The following CLSTN3 variants were observed in gnomAD, a reference collection of about 807,000 sequenced individuals.
CLSTN3 encodes the protein calsyntenin 3, also known as calsyntenin-3.
CLSTN3 carries 36 observed loss-of-function variants against 95.9 expected under a neutral mutation model. That is an observed-to-expected ratio of 0.38 (90% CI 0.29 to 0.50). The LOEUF is 0.50. Ranked by LOEUF, CLSTN3 falls within the 20% of genes least tolerant of loss-of-function variation. CLSTN3 has a pLI of 0.95. For synonymous variants in CLSTN3, 481 were observed against 504.0 expected (o/e 0.95, Z 0.61); for missense variants, 1,084 against 1,268.8 (o/e 0.85, Z 2.21).
intron 12 of CLSTN3, among the ~76,000 whole-genome samples, chr12:7,145,703 A>C (rs1939612490): frequency 6.6e-6 from 1 of 151,940 alleles, no homozygotes; most frequent in South Asian, 2.1e-4. Context: ...TGTAACCTCT[A>C]TCTAGAAGTT....
At position 7,158,300 on chromosome 12, in the gene CLSTN3, G is replaced by A. The variant is rs1172969084; in HGVS notation, c.*219G>A. 3.8e-6 allele frequency: 2 copies of A among 522,168 alleles called. No homozygotes were observed. Among genetic ancestry groups the A allele is most frequent in the African/African-American group, 1.9e-5 (1 of 51,634 alleles). 32.3% of individuals were successfully genotyped at this position (522,168 alleles called of 1,614,324 possible). On this transcript the variant is annotated 3_prime_UTR_variant, in exon 18 of 18. Coordinates refer to ENST00000266546, the MANE Select transcript of CLSTN3 (RefSeq NM_014718.4). ...ACTTCTGGGCTGTCATGCTCCTGGT[G>A]TGCCCCTTGCACTGGGGCTGGCTGG...
At position 7,151,003 on chromosome 12, in the gene CLSTN3, G is replaced by C; in HGVS notation, c.2467G>C (p.Gly823Arg). The C allele has an allele frequency of 6.2e-7, 1 of 1,613,070 alleles. No homozygotes were observed. The highest frequency in any genetic ancestry group is 1.7e-5 in the Admixed American group (1 of 59,856). The change falls in exon 16 of 18, where the codon GGT becomes CGT. Residue 823 changes from glycine (G) to arginine (R), a missense_variant. Gly to Arg is a moderately radical substitution (Grantham distance 125). Transcript: ENST00000266546. Reference protein sequence around the residue: ...VLSSQQFLHRGHQPPPEMAGH... With the variant: ...VLSSQQFLHRRHQPPPEMAGH... ...CAGCTCCCAGCAGTTCCTGCACCGT[G>C]GTCACCAGCCCCCGCCTGAGATGGC... is the stretch of plus-strand genomic sequence containing the variant.
chr12:7,156,456 A>G (rs756283399), intron 16 of CLSTN3: 26 of 456,846 alleles, frequency 5.7e-5, no homozygotes, highest in Non-Finnish European at 1.0e-4. Flanking sequence ...TGGTCTGCCC[A>G]GCTGGTGGGG....
chr12:7,129,567 T>C (rs2135788662), upstream of CLSTN3: 4 of 967,752 alleles, frequency 4.1e-6, no homozygotes, highest in Non-Finnish European at 4.9e-6. The surrounding 1 kb of genome is among the most constrained non-coding windows in gnomAD (Gnocchi z 5.5). Flanking sequence ...GGGTTTTCTC[T>C]CCCTCTGAGT....
chr12:7,143,349 AG>A (rs1431317161), intron 12 of CLSTN3, 38 bp downstream of exon 12: 24 of 1,584,506 alleles, frequency 1.5e-5, no homozygotes, highest in Non-Finnish European at 2.0e-5. Context: ...CACCAAGCAG[AG>A]CCAGACAGTG....
intron 3 of CLSTN3, among the ~76,000 whole-genome samples, chr12:7,134,138 C>A (rs1939360415): frequency 6.6e-6 from 1 of 152,128 alleles, no homozygotes; most frequent in African/African-American, 2.4e-5. Context: ...GTGCCTGATA[C>A]ACGTTGAAGG....
At chr12:7,156,686 G>T (rs1201575825) in intron 16 of CLSTN3, 1 of 456,840 alleles carries the variant, frequency 2.2e-6, no homozygotes, top group South Asian at 1.5e-5. Flanking sequence ...CATCTGCTTT[G>T]CCGCCATCAG....
Position 7,157,819 on chromosome 12 carries a change from G to T in CLSTN3, c.2731-122G>T. The stretch of plus-strand genomic sequence containing the variant: ...AGCTGCAGTGAGCCGGAGGGAGAGA[G>T]GTTCAGGCAGGGAAGGGGGTACACA... On this transcript the variant is annotated intron_variant, in intron 17 of 17. Coordinates refer to ENST00000266546, the MANE Select transcript of CLSTN3 (RefSeq NM_014718.4). This position sits in a 1 kb window ranked among gnomAD's most constrained non-coding sequence, Gnocchi z 5.9. 1 of 1,495,116 alleles carries T rather than the reference G, an allele frequency of 6.7e-7. No homozygotes were observed. The allele number at this position is 1,495,116 out of a possible 1,614,324, so 92.6% of individuals were successfully genotyped here. A position where few individuals can be genotyped will look rare whatever the true frequency, so the allele number is the denominator to read the frequency against.
Position 7,141,159 on chromosome 12 carries a change from C to G in CLSTN3, c.1324-83C>G. ...GGAATAAAGGGACTGTCCCCTGTCTCCCAGGAGATGGGGCAGTGCCTAGGG... is the reference window on the plus strand; with the variant it reads ...GGAATAAAGGGACTGTCCCCTGTCTGCCAGGAGATGGGGCAGTGCCTAGGG... On this transcript the variant is annotated intron_variant, in intron 8 of 17. Coordinates refer to ENST00000266546, the MANE Select transcript of CLSTN3 (RefSeq NM_014718.4). The surrounding 1 kb of genome is among the most constrained non-coding windows in gnomAD (Gnocchi z 4.1). 7.1e-7 allele frequency: 1 copy of G among 1,418,016 alleles called. No homozygotes were observed. Among genetic ancestry groups the G allele is most frequent in the Non-Finnish European group, 9.6e-7 (1 of 1,036,380 alleles). The allele number at this position is 1,418,016 out of a possible 1,614,324, so 87.8% of individuals were successfully genotyped here. A position where few individuals can be genotyped will look rare whatever the true frequency, so the allele number is the denominator to read the frequency against.
chr12:7,133,929 G>A lies in CLSTN3; in HGVS notation c.383+161G>A. 1 of 602,390 alleles carries A rather than the reference G, an allele frequency of 1.7e-6. No individual in the cohort carries two copies. Among genetic ancestry groups the A allele is most frequent in the South Asian group, 2.3e-5 (1 of 43,242 alleles). 37.3% of individuals were successfully genotyped at this position (602,390 alleles called of 1,614,324 possible). On this transcript the variant is annotated intron_variant, in intron 3 of 17. Transcript: ENST00000266546. This position sits in a 1 kb window ranked among gnomAD's most constrained non-coding sequence, Gnocchi z 4.7. ...TCCCCTGCTGTTCCTAGGATTTAGG[G>A]ACTTTCAGGCAAGGTGACAGAAACG... is the stretch of plus-strand genomic sequence containing the variant.
chr12:7,157,774 T>G lies in CLSTN3; in HGVS notation c.2730+83T>G, dbSNP rs1409140732. On this transcript the variant is annotated intron_variant, in intron 17 of 17. Coordinates refer to ENST00000266546, the MANE Select transcript of CLSTN3 (RefSeq NM_014718.4). This position sits in a 1 kb window ranked among gnomAD's most constrained non-coding sequence, Gnocchi z 5.9. ...GAGGACTCCTGAGGAGGGGCAGGCCTGGGTGGAGGCTGTTCGCAGAGCTGC... is the reference window on the plus strand; with the variant it reads ...GAGGACTCCTGAGGAGGGGCAGGCCGGGGTGGAGGCTGTTCGCAGAGCTGC... 6.6e-7 allele frequency: 1 copy of G among 1,506,830 alleles called. No homozygotes were observed. The highest frequency in any genetic ancestry group is 1.2e-5 in the South Asian group (1 of 80,500). The allele number at this position is 1,506,830 out of a possible 1,614,324, so 93.3% of individuals were successfully genotyped here.
chr12:7,152,419 GT>G (rs1468381964), intron 16 of CLSTN3, among the ~76,000 whole-genome samples: 1 of 152,106 alleles, frequency 6.6e-6, no homozygotes, highest in Non-Finnish European at 1.5e-5. Context: ...TCATCACCCA[GT>G]TTTGCCAAAG....
Position 7,148,987 on chromosome 12 carries a change from G to A in CLSTN3, c.1863G>A (p.Glu621=), listed in dbSNP as rs150792181. ...LTTAVKCFSE[E]SCVSIPEVEG... ...TCTTACATAGGTGCTTCAGCGAAGA[G>A]TCCTGCGTCTCCATCCCTGAAGTGG... The change falls in exon 13 of 18, where the codon GAG becomes GAA. Residue 621 remains glutamate (E), a synonymous_variant. Transcript: ENST00000266546. The A allele has an allele frequency of 4.0e-5, 65 of 1,614,160 alleles. No homozygotes were observed. In the African/African-American group the frequency reaches 8.1e-4, roughly 20 times the overall value.
At position 7,157,182 on chromosome 12, in the gene CLSTN3, G is replaced by A. The variant is rs1336241424; in HGVS notation, c.2528-307G>A. ...TTGCCCTCTGTCCTCTGCGAATAGG[G>A]CTGTTCATGACAGTGTTGGGCAGGG... On this transcript the variant is annotated intron_variant, in intron 16 of 17. Coordinates refer to ENST00000266546, the MANE Select transcript of CLSTN3 (RefSeq NM_014718.4). The surrounding 1 kb of genome is among the most constrained non-coding windows in gnomAD (Gnocchi z 5.9). 6.6e-6 allele frequency among the ~76,000 whole-genome samples: 1 copy of A among 152,164 alleles called. No homozygotes were observed. Among genetic ancestry groups the A allele is most frequent in the Non-Finnish European group, 1.5e-5 (1 of 68,024 alleles).
At chr12:7,134,481 G>A (rs777089313) in intron 3 of CLSTN3, among the ~76,000 whole-genome samples, 2 of 152,244 alleles carry the variant, frequency 1.3e-5, no homozygotes, top group Non-Finnish European at 2.9e-5. Context: ...TTTGAAGATA[G>A]GACCCTTGCC....
chr12:7,144,572 C>A (rs569538865), intron 12 of CLSTN3, among the ~76,000 whole-genome samples: 29 of 152,142 alleles, frequency 1.9e-4, no homozygotes, highest in Non-Finnish European at 4.0e-4. Context: ...GGCATTTTCA[C>A]CCCTTATTAT....
intron 12 of CLSTN3, among the ~76,000 whole-genome samples, chr12:7,145,204 G>A (rs772686219): frequency 6.6e-6 from 1 of 152,268 alleles, no homozygotes; most frequent in Admixed American, 6.5e-5. Flanking sequence ...CCAAGGGCTT[G>A]GAACCTGCCT....
chr12:7,130,383 C>A lies in CLSTN3; in HGVS notation c.-266C>A, dbSNP rs1348668698. ...CTGTGCTGACGTCATCCTGCAGTAG[C>A]GGGGTTGGGGTGGGAGTGAGAGAGT... On this transcript the variant is annotated 5_prime_UTR_variant, in exon 1 of 18. Coordinates refer to ENST00000266546, the MANE Select transcript of CLSTN3 (RefSeq NM_014718.4). The A allele has an allele frequency of 7.2e-7, 1 of 1,384,042 alleles. No homozygotes were observed. Among genetic ancestry groups the A allele is most frequent in the African/African-American group, 1.5e-5 (1 of 68,382 alleles). The allele number at this position is 1,384,042 out of a possible 1,614,324, so 85.7% of individuals were successfully genotyped here.
chr12:7,133,783 G>A lies in CLSTN3; in HGVS notation c.383+15G>A, dbSNP rs1939352683. 1.9e-6 allele frequency: 3 copies of A among 1,549,890 alleles called. No individual in the cohort carries two copies. Among genetic ancestry groups the A allele is most frequent in the African/African-American group, 1.4e-5 (1 of 72,632 alleles). ...AAGTCCCACAAGTGAGGAAGTCCTT[G>A]TCTCCTGCCCCATGTGTTGCAGGGT... On this transcript the variant is annotated intron_variant, in intron 3 of 17. Transcript: ENST00000266546. This position sits in a 1 kb window ranked among gnomAD's most constrained non-coding sequence, Gnocchi z 4.7.
Sources: gnomAD v4.1 joint callset for allele counts (sites outside exome capture counted in the v4.1 genomes callset) on GRCh38, gnomAD v4.1.1 for gene constraint, Gnocchi (gnomAD v3.1) non-coding constraint, MANE v1.5 for transcripts, NCBI Gene and HGNC (gene_info 2026-07-23, HGNC 2026-07-21) for gene names.